The following TERF1 variants were observed in gnomAD, a reference collection of about 807,000 sequenced individuals.
The protein encoded by TERF1 is telomeric repeat-binding factor 1.
Under a neutral mutation model 55.1 loss-of-function variants are expected in TERF1, and 20 were observed. The observed-to-expected ratio is 0.36, with a 90% confidence interval of 0.26 to 0.53. The LOEUF is 0.53. Ranked by LOEUF, TERF1 falls within the 20% of genes least tolerant of loss-of-function variation. The pLI, the probability that TERF1 is intolerant of heterozygous loss-of-function variation, is 0.91. For missense variants in TERF1, 439 were observed against 535.7 expected (o/e 0.82, Z 1.78); for synonymous variants, 168 against 181.2 (o/e 0.93, Z 0.59).
At chr8:73,011,681 T>C (rs1808287100) in intron 1 of TERF1, 1 of 152,360 alleles carries the variant, frequency 6.6e-6, no homozygotes, top group South Asian at 2.1e-4. Context: ...GTCACAGAGA[T>C]GGCTTCTTTT....
In TERF1 at chr8:73,026,999, T is replaced by A; in HGVS notation, c.834T>A (p.Pro278=). 1 of 1,612,590 alleles carries A rather than the reference T, an allele frequency of 6.2e-7. No homozygotes were observed. The highest frequency in any genetic ancestry group is 8.5e-7 in the Non-Finnish European group (1 of 1,179,734). ...RTRTITSQDK[P]SGNDVEMETE... ...GAACAATAACTTCTCAAGATAAACC[T>A]AGTGGTAATGATGTTGAAATGGAAA... is the stretch of plus-strand genomic sequence containing the variant. Residue 278 remains proline, a synonymous_variant, in exon 6 of 10, where the codon CCT becomes CCA. Transcript: ENST00000276603.
At chr8:73,024,766 G>A (rs370417318) in intron 4 of TERF1, 56 bp from the exon 5 acceptor site, 32 of 1,234,724 alleles carry the variant, frequency 2.6e-5, no homozygotes, top group Admixed American at 1.6e-4. Context: ...GACAAAAATC[G>A]TTGTATCTGT....
intron 9 of TERF1, 151 bp from the exon 10 acceptor site, chr8:73,045,810 A>C: frequency 5.0e-6 from 3 of 596,526 alleles, no homozygotes; most frequent in Non-Finnish European, 8.1e-6. Flanking sequence ...ATAAATGTAA[A>C]ATCTTTTAAA....
intron 7 of TERF1, 137 bp downstream of exon 7, chr8:73,030,532 T>A: frequency 1.9e-6 from 1 of 522,320 alleles, no homozygotes; most frequent in Non-Finnish European, 3.2e-6. Flanking sequence ...CAACAGATAG[T>A]CACGACTCTG....
intron 1 of TERF1, 149 bp downstream of exon 1, chr8:73,009,354 T>C (rs1808180976): frequency 1.4e-6 from 1 of 720,698 alleles, no homozygotes; most frequent in African/African-American, 1.8e-5. Context: ...CTGAACTTTG[T>C]TCGAATCCCG....
At chr8:73,043,594 G>A (rs1157554747) in intron 9 of TERF1, among the ~76,000 whole-genome samples, 1 of 151,984 alleles carries the variant, frequency 6.6e-6, no homozygotes, top group East Asian at 1.9e-4. Flanking sequence ...TAGCTCCGGG[G>A]CTGTAGAAAA....
At chr8:73,045,286 T>G (rs1255129564) in intron 9 of TERF1, among the ~76,000 whole-genome samples, 1 of 152,212 alleles carries the variant, frequency 6.6e-6, no homozygotes, top group Non-Finnish European at 1.5e-5. Context: ...TCTTGTAGTC[T>G]AGACACAGTA....
At position 73,032,048 on chromosome 8, in the gene TERF1, C is replaced by T. The variant is rs753969946; in HGVS notation, c.954C>T (p.His318=). ...CTTTCCTGTTTTATTTTAGGTCTCA[C>T]AAGAATCTTTTCTTATCTAAGTTGC... ...SEGTVSLLRS[H]KNLFLSKLQH... is the part of the protein sequence containing the mutation. Residue 318 remains histidine (H), a synonymous_variant, in exon 8 of 10, where the codon CAC becomes CAT. Coordinates refer to ENST00000276603, the MANE Select transcript of TERF1 (RefSeq NM_017489.3). 1 of 1,607,194 alleles carries T rather than the reference C, an allele frequency of 6.2e-7. No homozygotes were observed. The highest frequency in any genetic ancestry group is 8.5e-7 in the Non-Finnish European group (1 of 1,177,972).
chr8:73,024,930 A>T lies in TERF1; in HGVS notation c.733A>T (p.Asn245Tyr). 6.3e-7 allele frequency: 1 copy of T among 1,581,898 alleles called. No homozygotes were observed. Among genetic ancestry groups the T allele is most frequent in the Non-Finnish European group, 8.6e-7 (1 of 1,167,998 alleles). The part of the protein sequence containing the change: ...HMMEKIKSYV[N>Y]YVLSEKSSTF... ...GATGGAGAAAATTAAGAGTTATGTG[A>T]ATTATGTGCTAAGTGAAAAATCATC... Residue 245 changes from asparagine (N) to tyrosine (Y), a missense_variant, in exon 5 of 10, where the codon AAT becomes TAT. Coordinates refer to ENST00000276603, the MANE Select transcript of TERF1 (RefSeq NM_017489.3).
chr8:73,011,505 G>A (rs1254971258), intron 1 of TERF1: 1 of 152,284 alleles, frequency 6.6e-6, no homozygotes, highest in African/African-American at 2.4e-5. Flanking sequence ...AGTGAGCTGA[G>A]GTCACACCAC....
At chr8:73,015,300 A>C (rs957264157) in intron 2 of TERF1, among the ~76,000 whole-genome samples, 3 of 145,904 alleles carry the variant, frequency 2.1e-5, no homozygotes, top group Non-Finnish European at 3.0e-5. Flanking sequence ...TTGGCTATAC[A>C]TAACCCTTTT....
chr8:73,024,454 A>C (rs1391892732), intron 4 of TERF1, among the ~76,000 whole-genome samples: 1 of 152,192 alleles, frequency 6.6e-6, no homozygotes, highest in Non-Finnish European at 1.5e-5. Context: ...GGGAATGGTG[A>C]ATTCTAAATT....
At chr8:73,020,392 A>G (rs912045547) in intron 2 of TERF1, among the ~76,000 whole-genome samples, 1 of 152,164 alleles carries the variant, frequency 6.6e-6, no homozygotes, top group African/African-American at 2.4e-5. Flanking sequence ...CCACTTAAGA[A>G]TTCTGTTGCT....
At chr8:73,022,340 G>T in intron 4 of TERF1, 38 bp downstream of exon 4, 1 of 1,333,610 alleles carries the variant, frequency 7.5e-7, no homozygotes. Flanking sequence ...TTTTAGAAGT[G>T]TTTATGTAGA....
At chr8:73,039,588 A>G (rs1311948143) in intron 9 of TERF1, among the ~76,000 whole-genome samples, 1 of 152,176 alleles carries the variant, frequency 6.6e-6, no homozygotes, top group Non-Finnish European at 1.5e-5. Context: ...AAACAAAGAA[A>G]AGATACCATT....
At chr8:73,026,854 A>G in intron 5 of TERF1, 86 bp from the exon 6 acceptor site, 1 of 1,015,052 alleles carries the variant, frequency 9.9e-7, no homozygotes, top group Non-Finnish European at 1.5e-6. Flanking sequence ...CTATCAAAGA[A>G]TTACAAGGCT....
intron 3 of TERF1, among the ~76,000 whole-genome samples, chr8:73,021,484 A>C (rs1235354158): frequency 6.6e-6 from 1 of 152,194 alleles, no homozygotes; most frequent in East Asian, 1.9e-4. Flanking sequence ...TTCTTAATAC[A>C]CTACTGTAAA....
Position 73,019,530 on chromosome 8 carries a change from C to T in TERF1, c.416-1154C>T, listed in dbSNP as rs56083642. On this transcript the variant is annotated intron_variant, in intron 2 of 9. Transcript: ENST00000276603. The stretch of plus-strand genomic sequence containing the variant: ...AAGAGTATGCATCCAACTTGCCCAC[C>T]GACCTTCCTCCTGCCCTTTGTATTT... Among the ~76,000 whole-genome samples the T allele has an allele frequency of 9.5e-3, 1,442 of 152,256 alleles. 9 individuals carry two copies. The highest frequency in any genetic ancestry group is 0.033 in the African/African-American group (1,356 of 41,538).
chr8:73,018,398 G>A (rs1021175834), intron 2 of TERF1, among the ~76,000 whole-genome samples: 17 of 152,248 alleles, frequency 1.1e-4, no homozygotes, highest in South Asian at 4.1e-4. Flanking sequence ...TTATTCGGTC[G>A]GGCTTGGTGG....
Sources: allele counts gnomAD v4.1 joint callset (sites outside exome capture counted in the v4.1 genomes callset), GRCh38; gene constraint gnomAD v4.1.1; transcripts MANE v1.5; gene names NCBI Gene and HGNC (gene_info 2026-07-23, HGNC 2026-07-21).